COG5: variants seen among roughly 807,000 people sequenced by gnomAD.
COG5 encodes the protein conserved oligomeric Golgi complex subunit 5.
Under a neutral mutation model 110.4 loss-of-function variants are expected in COG5, and 86 were observed. The observed-to-expected ratio is 0.78, with a 90% CI of 0.65 to 0.93. The LOEUF (loss-of-function observed/expected upper bound fraction) is 0.93. Among genes scored for constraint, COG5 ranks in the 40% least tolerant of loss-of-function variants. COG5 has a pLI of 0.00. For synonymous variants in COG5, 360 were observed against 334.6 expected (o/e 1.08, Z -0.83); for missense variants, 1,077 against 987.0 (o/e 1.09, Z -1.22).
intron 6 of COG5, among the ~76,000 whole-genome samples, chr7:107,503,705 G>A (rs370182896): frequency 3.3e-5 from 5 of 152,248 alleles, no homozygotes; most frequent in African/African-American, 1.2e-4. Flanking sequence ...ACCTTGTAGA[G>A]ATCTTTCACC....
intron 10 of COG5, among the ~76,000 whole-genome samples, chr7:107,340,482 C>T (rs189591167): frequency 1.3e-5 from 2 of 151,884 alleles, no homozygotes; most frequent in East Asian, 1.9e-4. Flanking sequence ...AACTATTCTC[C>T]CCCAATCCCC....
chr7:107,225,829 G>A (rs575216464), intron 19 of COG5, among the ~76,000 whole-genome samples: 9 of 152,264 alleles, frequency 5.9e-5, no homozygotes, highest in African/African-American at 2.2e-4. Context: ...GATCACCTGA[G>A]GTCAGGAGTT....
chr7:107,294,694 CCTCATCTTAATTTTCTTT>C (rs1806450683), intron 12 of COG5, among the ~76,000 whole-genome samples: 1 of 148,078 alleles, frequency 6.8e-6, no homozygotes. Context: ...CTTCAAACCT[CCTCATCTTAATTTTCTTT>C]CTTTTTTTTT....
rs1383848929 is a variant in COG5 at position 107,474,519 on chromosome 7, A to C, written c.538+52718T>G. 2 of 1,612,480 alleles carry C rather than the reference A, an allele frequency of 1.2e-6. No individual in the cohort carries two copies. The highest frequency in any genetic ancestry group is 3.3e-5 in the Admixed American group (2 of 59,892). On this transcript the variant is annotated intron_variant, in intron 6 of 21. Transcript: ENST00000297135. The surrounding 1 kb of genome is among the most constrained non-coding windows in gnomAD (Gnocchi z 5.7). Reference sequence around the variant, plus strand: ...TAAAACCTGCAAACCGAATTCTGACAATGGGCAGAGCTGTAATGTTAATGA... The same window carrying C: ...TAAAACCTGCAAACCGAATTCTGACCATGGGCAGAGCTGTAATGTTAATGA...
intron 10 of COG5, among the ~76,000 whole-genome samples, chr7:107,340,552 A>G (rs1201278532): frequency 6.6e-6 from 1 of 152,170 alleles, no homozygotes; most frequent in Non-Finnish European, 1.5e-5. Flanking sequence ...TCACCCTGAT[A>G]TCAAAATGTG....
chr7:107,414,133 G>A (rs1047512245), intron 6 of COG5, among the ~76,000 whole-genome samples: 1 of 152,084 alleles, frequency 6.6e-6, no homozygotes, highest in South Asian at 2.1e-4. Flanking sequence ...ATTTGCCCAG[G>A]TTAGAACAAT....
chr7:107,444,140 G>A (rs1243515680), intron 6 of COG5, among the ~76,000 whole-genome samples: 1 of 152,052 alleles, frequency 6.6e-6, no homozygotes, highest in Non-Finnish European at 1.5e-5. Context: ...TTCAAAACGG[G>A]GATGATGAAT....
intron 11 of COG5, among the ~76,000 whole-genome samples, chr7:107,322,553 T>G (rs977123043): frequency 6.6e-6 from 1 of 152,088 alleles, no homozygotes; most frequent in Non-Finnish European, 1.5e-5. Context: ...CTGGAATGAC[T>G]AAAATTAAAA....
At chr7:107,510,096 C>A (rs1799382828) in intron 6 of COG5, among the ~76,000 whole-genome samples, 1 of 137,676 alleles carries the variant, frequency 7.3e-6, no homozygotes, top group South Asian at 2.2e-4. Context: ...TTAAAAGACA[C>A]AGACTGACAA....
intron 6 of COG5, among the ~76,000 whole-genome samples, chr7:107,462,162 C>G (rs1796029516): frequency 6.6e-6 from 1 of 152,122 alleles, no homozygotes; most frequent in African/African-American, 2.4e-5. Context: ...TAATGAAAGG[C>G]AGGACACATG....
chr7:107,291,369 A>C (rs1806157273), intron 12 of COG5, among the ~76,000 whole-genome samples: 1 of 152,108 alleles, frequency 6.6e-6, no homozygotes, highest in African/African-American at 2.4e-5. Context: ...AGCCACCACA[A>C]CCAGCCAAAA....
chr7:107,504,139 T>C (rs189594053), intron 6 of COG5, among the ~76,000 whole-genome samples: 106 of 152,306 alleles, frequency 7.0e-4, no homozygotes, highest in African/African-American at 2.5e-3. Context: ...GGGTTTGTCA[T>C]ATATGGCTTT....
chr7:107,410,766 A>C (rs1317727817), intron 7 of COG5, among the ~76,000 whole-genome samples: 1 of 152,086 alleles, frequency 6.6e-6, no homozygotes, highest in African/African-American at 2.4e-5. Context: ...TTAGGTTAAT[A>C]AAAGAATTAT....
intron 10 of COG5, among the ~76,000 whole-genome samples, chr7:107,339,758 C>T (rs969583352): frequency 1.3e-5 from 2 of 152,024 alleles, no homozygotes; most frequent in Non-Finnish European, 2.9e-5. Context: ...AACAACATGT[C>T]TCTGAATGAC....
At chr7:107,293,450 G>A (rs1806339874) in intron 12 of COG5, among the ~76,000 whole-genome samples, 1 of 152,198 alleles carries the variant, frequency 6.6e-6, no homozygotes, top group Non-Finnish European at 1.5e-5. Context: ...AGGCGGGTAA[G>A]ACGGGAACAA....
chr7:107,478,287 TTTATAA>T (rs1436822011), intron 6 of COG5, among the ~76,000 whole-genome samples: 1 of 151,990 alleles, frequency 6.6e-6, no homozygotes, highest in Non-Finnish European at 1.5e-5. Flanking sequence ...GGTAGAATTA[TTTATAA>T]TTATATGTCT....
At chr7:107,449,387 G>A (rs957194828) in intron 6 of COG5, among the ~76,000 whole-genome samples, 1 of 152,168 alleles carries the variant, frequency 6.6e-6, no homozygotes, top group African/African-American at 2.4e-5. Flanking sequence ...AGTTCATACT[G>A]TACTACTGTA....
chr7:107,522,371 G>C (rs1197663867), intron 6 of COG5, among the ~76,000 whole-genome samples: 2 of 152,180 alleles, frequency 1.3e-5, no homozygotes, highest in African/African-American at 2.4e-5. Flanking sequence ...AGGAGGCTGA[G>C]GCAAGAGAGT....
chr7:107,403,896 ACT>A (rs1346752905), intron 7 of COG5, among the ~76,000 whole-genome samples: 1 of 147,264 alleles, frequency 6.8e-6, no homozygotes. Flanking sequence ...CAGTTAGGTG[ACT>A]CTATTATTAT....
Sources: allele counts gnomAD v4.1 joint callset (sites outside exome capture counted in the v4.1 genomes callset), GRCh38; gene constraint gnomAD v4.1.1; non-coding constraint Gnocchi (gnomAD v3.1); transcripts MANE v1.5; gene names NCBI Gene and HGNC (gene_info 2026-07-23, HGNC 2026-07-21).